Variants in SULT6B1 observed in about 807,000 individuals in gnomAD.
The protein encoded by SULT6B1 is sulfotransferase 6B1.
Under a neutral mutation model 37.2 loss-of-function variants are expected in SULT6B1, and 44 were observed. The ratio of observed to expected loss-of-function variants is 1.18; its 90% confidence interval spans 0.93 to 1.52. SULT6B1 has a LOEUF of 1.52. Among genes scored for constraint, SULT6B1 ranks in the 40% most tolerant of loss-of-function variants. The pLI, the probability that SULT6B1 is intolerant of heterozygous loss-of-function variation, is 0.00. For missense variants in SULT6B1, 450 were observed against 361.0 expected, an observed-to-expected ratio of 1.25 and a Z score of -2.00; for synonymous variants, 140 against 126.0, an observed-to-expected ratio of 1.11 and a Z score of -0.74.
chr2:37,177,133 C>A (rs1452903531), intron 4 of SULT6B1, among the ~76,000 whole-genome samples: 1 of 149,814 alleles, frequency 6.7e-6, no homozygotes, highest in Non-Finnish European at 1.5e-5. Context: ...AATGCATTGT[C>A]CCACTGATGA....
intron 3 of SULT6B1, among the ~76,000 whole-genome samples, chr2:37,179,934 T>C (rs910666640): frequency 6.6e-6 from 1 of 152,136 alleles, no homozygotes; most frequent in African/African-American, 2.4e-5. Flanking sequence ...TTGCAAATAA[T>C]GTTAAGGACG....
upstream of SULT6B1, among the ~76,000 whole-genome samples, chr2:37,192,417 G>C (rs1303986785): frequency 2.0e-5 from 3 of 152,038 alleles, no homozygotes; most frequent in Non-Finnish European, 4.4e-5. Flanking sequence ...TCATTATGTA[G>C]GTGAATATTT....
chr2:37,175,912 ATTACAC>A (rs1364353902), intron 4 of SULT6B1, among the ~76,000 whole-genome samples: 4 of 152,228 alleles, frequency 2.6e-5, no homozygotes, highest in Admixed American at 6.5e-5. Flanking sequence ...TACGCAACTT[ATTACAC>A]TTACTTAAAA....
upstream of SULT6B1, among the ~76,000 whole-genome samples, chr2:37,188,969 T>C (rs372723634): frequency 1.2e-4 from 19 of 152,344 alleles, no homozygotes; most frequent in South Asian, 1.0e-3. Context: ...TAATCAGGCA[T>C]GCAATTTTTC....
chr2:37,184,752 A>G (rs1043709061), intron 2 of SULT6B1, among the ~76,000 whole-genome samples: 5 of 152,238 alleles, frequency 3.3e-5, no homozygotes, highest in African/African-American at 1.2e-4. Context: ...GAATCACTTG[A>G]ACCCGGGAGG....
At chr2:37,169,427 T>C (rs1676248444) in intron 6 of SULT6B1, among the ~76,000 whole-genome samples, 1 of 152,238 alleles carries the variant, frequency 6.6e-6, no homozygotes, top group Admixed American at 6.5e-5. Flanking sequence ...CTTTGATTCC[T>C]ACATTTAGAA....
At chr2:37,185,387 A>C (rs945183575) in intron 2 of SULT6B1, among the ~76,000 whole-genome samples, 1 of 152,174 alleles carries the variant, frequency 6.6e-6, no homozygotes, top group African/African-American at 2.4e-5. Context: ...AATAATTGTT[A>C]AGTGAAGTTC....
At chr2:37,193,585 GAAGAAGAAGAAA>G (rs1393686870), upstream of SULT6B1, among the ~76,000 whole-genome samples, 2,289 of 137,904 alleles carry the variant, frequency 0.017, 25 homozygotes, top group East Asian at 0.022. Flanking sequence ...AGAAGAAAAA[GAAGAAGAAGAAA>G]AAGAAGAAGA....
At chr2:37,196,015 G>A (rs1676917083) in intron 1 of SULT6B1, 1 of 152,184 alleles carries the variant, frequency 6.6e-6, no homozygotes, top group African/African-American at 2.4e-5. Flanking sequence ...TTTTAGTAGA[G>A]ACGGGGTCTC....
At chr2:37,170,140 C>G (rs1443265566) in intron 6 of SULT6B1, among the ~76,000 whole-genome samples, 1 of 152,186 alleles carries the variant, frequency 6.6e-6, no homozygotes, top group Non-Finnish European at 1.5e-5. Flanking sequence ...CATTTCCCAG[C>G]CACCACTGCA....
chr2:37,177,439 A>G (rs1572458847), intron 4 of SULT6B1, among the ~76,000 whole-genome samples: 2 of 138,062 alleles, frequency 1.4e-5, no homozygotes, highest in South Asian at 5.2e-4. Flanking sequence ...AAAAAGAAAG[A>G]AAGAAAAAAA....
intron 5 of SULT6B1, 98 bp from the exon 6 acceptor site, chr2:37,171,688 C>T: frequency 8.9e-7 from 1 of 1,128,842 alleles, no homozygotes; most frequent in African/African-American, 1.6e-5. Flanking sequence ...CAGCCTAACT[C>T]CCTAGTTCAT....
upstream of SULT6B1, among the ~76,000 whole-genome samples, chr2:37,191,684 C>T (rs1004687539): frequency 3.9e-5 from 6 of 152,180 alleles, no homozygotes; most frequent in Admixed American, 6.5e-5. Flanking sequence ...AATCAAACAG[C>T]GTGGTCTGCC....
chr2:37,181,350 C>T (rs1676545063), intron 3 of SULT6B1, among the ~76,000 whole-genome samples: 1 of 152,102 alleles, frequency 6.6e-6, no homozygotes, highest in African/African-American at 2.4e-5. Flanking sequence ...ACAAATTCCC[C>T]ACGTCAACGT....
chr2:37,188,350 T>C (rs1676716068), intron 1 of SULT6B1, 92 bp downstream of exon 1: 1 of 1,066,552 alleles, frequency 9.4e-7, no homozygotes, highest in Admixed American at 2.2e-5. Context: ...ATTCCTGCAA[T>C]GAGGAACCGC....
chr2:37,177,441 A>AG (rs1473555917), intron 4 of SULT6B1, among the ~76,000 whole-genome samples: 1 of 138,386 alleles, frequency 7.2e-6, no homozygotes, highest in East Asian at 3.4e-4. Context: ...AAAGAAAGAA[A>AG]GAAAAAAAAG....
intron 1 of SULT6B1, chr2:37,196,054 C>T (rs1297736022): frequency 6.6e-6 from 1 of 152,178 alleles, no homozygotes; most frequent in African/African-American, 2.4e-5. Flanking sequence ...GTCTCGGTCT[C>T]CTGATGTCGT....
At chr2:37,175,624 T>C (rs540323362) in intron 4 of SULT6B1, among the ~76,000 whole-genome samples, 5 of 152,296 alleles carry the variant, frequency 3.3e-5, no homozygotes, top group East Asian at 1.9e-4. Flanking sequence ...AAAAATGTAA[T>C]GCTAGCCATA....
At chr2:37,191,935 T>C (rs1676788511), upstream of SULT6B1, among the ~76,000 whole-genome samples, 1 of 152,182 alleles carries the variant, frequency 6.6e-6, no homozygotes, top group South Asian at 2.1e-4. Context: ...TGTCACCATG[T>C]TCCCCTCATG....
Sources: gnomAD v4.1 joint callset for allele counts (sites outside exome capture counted in the v4.1 genomes callset) on GRCh38, gnomAD v4.1.1 for gene constraint, MANE v1.5 for transcripts, NCBI Gene and HGNC (gene_info 2026-07-23, HGNC 2026-07-21) for gene names.